Variants in TMTC2 observed in about 807,000 individuals in gnomAD.
TMTC2 encodes the protein protein O-mannosyl-transferase TMTC2.
In TMTC2, 43 loss-of-function variants were observed where a neutral mutation model predicts 82.4. That is an observed-to-expected ratio of 0.52 (90% CI 0.41 to 0.67). The LOEUF (loss-of-function observed/expected upper bound fraction) is 0.67. Ranked by LOEUF, TMTC2 falls within the 30% of genes least tolerant of loss-of-function variation. The pLI is 0.00. For synonymous variants in TMTC2, 408 were observed against 381.9 expected, an observed-to-expected ratio of 1.07 and a Z score of -0.80; for missense variants, 919 against 1,012.4, an observed-to-expected ratio of 0.91 and a Z score of 1.25.
At chr12:83,024,955 G>T (rs1266841497) in intron 8 of TMTC2, among the ~76,000 whole-genome samples, 2 of 152,214 alleles carry the variant, frequency 1.3e-5, no homozygotes, top group African/African-American at 4.8e-5. Context: ...ACTTTGGGAG[G>T]CCACGGCAGC....
At chr12:83,064,945 T>C (rs996819376) in intron 11 of TMTC2, among the ~76,000 whole-genome samples, 1 of 151,988 alleles carries the variant, frequency 6.6e-6, no homozygotes, top group African/African-American at 2.4e-5. Context: ...TCTATTTAAA[T>C]AGTTCCATTG....
intron 1 of TMTC2, among the ~76,000 whole-genome samples, chr12:82,727,844 C>A (rs1297105364): frequency 1.3e-5 from 2 of 148,168 alleles, no homozygotes; most frequent in African/African-American, 5.0e-5. Context: ...TAAGAAAGGC[C>A]AAAAAAAAAA....
chr12:83,058,758 C>G (rs1882635976), intron 10 of TMTC2, among the ~76,000 whole-genome samples: 1 of 151,812 alleles, frequency 6.6e-6, no homozygotes, highest in African/African-American at 2.4e-5. Context: ...TTGTTTACAT[C>G]TGGCCAGCAA....
intron 1 of TMTC2, among the ~76,000 whole-genome samples, chr12:82,807,994 T>C (rs1445451991): frequency 3.9e-5 from 6 of 152,006 alleles, no homozygotes; most frequent in Non-Finnish European, 7.4e-5. Flanking sequence ...TTGAGACTGT[T>C]TAATAATGAT....
intron 9 of TMTC2, among the ~76,000 whole-genome samples, chr12:83,041,475 C>A (rs898899863): frequency 6.6e-5 from 10 of 151,854 alleles, no homozygotes; most frequent in African/African-American, 2.4e-4. Context: ...TGAATTGTGA[C>A]AATGGGCATT....
At chr12:82,907,293 A>G (rs901617303) in intron 3 of TMTC2, among the ~76,000 whole-genome samples, 5 of 151,480 alleles carry the variant, frequency 3.3e-5, no homozygotes, top group Non-Finnish European at 5.9e-5. Flanking sequence ...GAAACCCTGT[A>G]TCTACTAAAA....
Position 82,845,226 on chromosome 12 carries a change from C to CAAAAAAAA in TMTC2, c.84-11764_84-11757dup, listed in dbSNP as rs66859423. Among the ~76,000 whole-genome samples the CAAAAAAAA allele has an allele frequency of 3.5e-4, 16 of 45,562 alleles. 1 individual carries two copies. Among genetic ancestry groups the CAAAAAAAA allele is most frequent in the East Asian group, 1.5e-3 (2 of 1,326 alleles). 29.9% of individuals were successfully genotyped at this position (45,562 alleles called of 152,430 possible). ...CCTGGGTGACAGAGCGTGACTGTCTCAAAAAAAAAAAAAAAAAAAAAAAAA... is the reference window on the plus strand; with the variant it reads ...CCTGGGTGACAGAGCGTGACTGTCTCAAAAAAAAAAAAAAAAAAAAAAAAAAAAAAAAA... On this transcript the variant is annotated intron_variant, in intron 1 of 11. Coordinates refer to ENST00000321196, the MANE Select transcript of TMTC2 (RefSeq NM_152588.3).
intron 3 of TMTC2, among the ~76,000 whole-genome samples, chr12:82,916,480 T>G (rs987019955): frequency 3.3e-5 from 5 of 152,154 alleles, no homozygotes; most frequent in African/African-American, 1.2e-4. Context: ...GACAAGTGCA[T>G]GCAAACCCCA....
chr12:82,740,096 AGTTTATCCTCTGCT>A (rs1421626839), intron 1 of TMTC2, among the ~76,000 whole-genome samples: 1 of 152,162 alleles, frequency 6.6e-6, no homozygotes, highest in Non-Finnish European at 1.5e-5. Flanking sequence ...CAGATGGGAA[AGTTTATCCTCTGCT>A]GTTAATGAAA....
intron 1 of TMTC2, among the ~76,000 whole-genome samples, chr12:82,745,547 G>A (rs539355642): frequency 6.6e-6 from 1 of 152,150 alleles, no homozygotes; most frequent in African/African-American, 2.4e-5. Context: ...CGAAGCTCCT[G>A]TTCAGTAGCT....
chr12:82,850,071 G>GCAGT (rs1210614338), intron 1 of TMTC2, among the ~76,000 whole-genome samples: 1 of 151,990 alleles, frequency 6.6e-6, no homozygotes. Flanking sequence ...GGGGGTAAGG[G>GCAGT]CAGTGTCATC....
At chr12:82,720,208 C>G (rs971316769) in intron 1 of TMTC2, among the ~76,000 whole-genome samples, 7 of 152,118 alleles carry the variant, frequency 4.6e-5, no homozygotes, top group African/African-American at 1.4e-4. Flanking sequence ...TATCTTTTAG[C>G]TATCACCCAC....
intron 4 of TMTC2, among the ~76,000 whole-genome samples, chr12:82,950,987 A>T (rs937099158): frequency 6.6e-6 from 1 of 152,210 alleles, no homozygotes; most frequent in Non-Finnish European, 1.5e-5. Context: ...TACTTTATTT[A>T]GTTGTCCAAG....
At chr12:82,993,851 A>G (rs1879502338) in intron 8 of TMTC2, among the ~76,000 whole-genome samples, 1 of 152,304 alleles carries the variant, frequency 6.6e-6, no homozygotes. Flanking sequence ...GGGGAGATAC[A>G]TTGCAAGGGA....
intron 11 of TMTC2, among the ~76,000 whole-genome samples, chr12:83,078,210 C>T (rs1028108922): frequency 6.6e-6 from 1 of 152,114 alleles, no homozygotes; most frequent in Non-Finnish European, 1.5e-5. Context: ...GGCAACTGAA[C>T]TAGCCAGGCT....
intron 7 of TMTC2, among the ~76,000 whole-genome samples, chr12:82,968,025 G>T (rs1173042044): frequency 6.6e-6 from 1 of 151,994 alleles, no homozygotes. Flanking sequence ...GAACACTCAC[G>T]TTCTCTTTTT....
intron 11 of TMTC2, among the ~76,000 whole-genome samples, chr12:83,081,319 G>A (rs2137504393): frequency 6.6e-6 from 1 of 152,244 alleles, no homozygotes; most frequent in South Asian, 2.1e-4. Flanking sequence ...AAATATGCTT[G>A]TCACATTTTT....
chr12:83,089,206 C>T (rs1269191406), intron 11 of TMTC2, among the ~76,000 whole-genome samples: 1 of 152,200 alleles, frequency 6.6e-6, no homozygotes, highest in Non-Finnish European at 1.5e-5. Flanking sequence ...TTTCCTACAA[C>T]TTCCTAACTT....
At position 82,895,575 on chromosome 12, in the gene TMTC2, G is replaced by C. The variant is rs548927375; in HGVS notation, c.655-243G>C. Among the ~76,000 whole-genome samples the C allele has an allele frequency of 2.0e-5, 3 of 151,870 alleles. No homozygotes were observed. The East Asian group carries it at 5.8e-4, about 29-fold the overall frequency. On this transcript the variant is annotated intron_variant, in intron 2 of 11. Transcript: ENST00000321196. The stretch of plus-strand genomic sequence containing the variant: ...GCTATGATTATTGGTATTTTAGAGA[G>C]AAAAAAATAAGAAAAGATAATCAAA...
Sources: gnomAD v4.1 joint callset for allele counts (sites outside exome capture counted in the v4.1 genomes callset) on GRCh38, gnomAD v4.1.1 for gene constraint, MANE v1.5 for transcripts, NCBI Gene and HGNC (gene_info 2026-07-23, HGNC 2026-07-21) for gene names.